MSRA: variants seen among roughly 807,000 people sequenced by gnomAD.
MSRA encodes the protein mitochondrial peptide methionine sulfoxide reductase.
In MSRA, 54 loss-of-function variants were observed where a neutral mutation model predicts 31.3. The ratio of observed to expected loss-of-function variants is 1.73; its 90% confidence interval spans 1.39 to 2.17. The LOEUF is 2.17. MSRA is among the 30% of genes most tolerant of loss of function. The pLI, the probability that MSRA is intolerant of heterozygous loss-of-function variation, is 0.00. For missense variants in MSRA, 507 were observed against 300.9 expected, an observed-to-expected ratio of 1.69 and a Z score of -5.07; for synonymous variants, 169 against 116.5, an observed-to-expected ratio of 1.45 and a Z score of -2.90.
intron 3 of MSRA, among the ~76,000 whole-genome samples, chr8:10,282,372 A>G (rs1381752351): frequency 6.6e-6 from 1 of 152,232 alleles, no homozygotes; most frequent in Non-Finnish European, 1.5e-5. Context: ...TCGCCCAGAA[A>G]TATAATTTAT....
At chr8:10,235,188 G>C (rs1811843830) in intron 2 of MSRA, among the ~76,000 whole-genome samples, 1 of 152,164 alleles carries the variant, frequency 6.6e-6, no homozygotes, top group South Asian at 2.1e-4. Flanking sequence ...AAATAAGTCT[G>C]AACAAATTTC....
intron 5 of MSRA, among the ~76,000 whole-genome samples, chr8:10,383,426 T>A (rs1379061134): frequency 6.6e-6 from 1 of 152,182 alleles, no homozygotes; most frequent in Non-Finnish European, 1.5e-5. Context: ...TGTGGCCTAT[T>A]CTAACTCAAG....
In MSRA at chr8:10,207,860, C is replaced by T. The variant is rs1212974454; in HGVS notation, c.170C>T (p.Thr57Ile). ...AAKHHVNGNRTVEPFPEGTQM... is the reference protein window; with the variant it reads ...AAKHHVNGNRIVEPFPEGTQM... ...AAACATCATGTCAATGGCAACAGAA[C>T]AGTCGAACCTTTCCCAGAGGGAACA... The change falls in exon 2 of 6, where the codon ACA (threonine) becomes ATA (isoleucine). Residue 57 changes from threonine to isoleucine, a missense_variant. Physicochemically the swap from Thr to Ile is moderately conservative, Grantham distance 89. Transcript: ENST00000317173. 7 of 1,609,826 alleles carry T rather than the reference C, an allele frequency of 4.3e-6. No homozygotes were observed. The highest frequency in any genetic ancestry group is 2.5e-6 in the Non-Finnish European group (3 of 1,178,256).
intron 4 of MSRA, among the ~76,000 whole-genome samples, chr8:10,305,572 C>A (rs1439264329): frequency 1.3e-5 from 2 of 152,112 alleles, no homozygotes; most frequent in African/African-American, 4.8e-5. Context: ...CGCCACCACA[C>A]CCAGCTAATT....
chr8:10,250,330 G>T (rs1282638103), intron 3 of MSRA: 3 of 662,710 alleles, frequency 4.5e-6, no homozygotes, highest in Non-Finnish European at 5.5e-6. Flanking sequence ...GTTAATTTCA[G>T]TGCATTAGCC....
intron 2 of MSRA, among the ~76,000 whole-genome samples, chr8:10,227,118 G>C (rs1381573475): frequency 6.6e-6 from 1 of 152,202 alleles, no homozygotes; most frequent in Non-Finnish European, 1.5e-5. Flanking sequence ...ACATTCTGAG[G>C]AGAGCAGATA....
intron 3 of MSRA, among the ~76,000 whole-genome samples, chr8:10,278,650 A>C (rs1406368987): frequency 6.6e-6 from 1 of 152,196 alleles, no homozygotes; most frequent in Non-Finnish European, 1.5e-5. Context: ...TGGCCACACT[A>C]ACTGTGAGAG....
At chr8:10,310,147 A>C (rs1263351204) in intron 4 of MSRA, among the ~76,000 whole-genome samples, 1 of 152,232 alleles carries the variant, frequency 6.6e-6, no homozygotes, top group Non-Finnish European at 1.5e-5. Context: ...ACCATATACA[A>C]GGAATCTATC....
intron 5 of MSRA, among the ~76,000 whole-genome samples, chr8:10,350,079 C>G (rs564134227): frequency 9.2e-5 from 14 of 152,358 alleles, no homozygotes; most frequent in Non-Finnish European, 1.6e-4. Context: ...ACTTTCCATT[C>G]TCCAGCTGGG....
rs776602297 is a variant in MSRA at position 10,319,926 on chromosome 8, C to T, written c.480C>T (p.Ala160=). The T allele has an allele frequency of 1.2e-6, 2 of 1,600,438 alleles. No homozygotes were observed. The highest frequency in any genetic ancestry group is 1.7e-6 in the Non-Finnish European group (2 of 1,173,884). ...GNDHGTQYRS[A]IYPTSAKQME... Reference sequence around the variant, plus strand: ...ACCATGGCACTCAGTACCGCTCGGCCATCTACCCGACCTCTGCCAAGCAAA... The same window carrying T: ...ACCATGGCACTCAGTACCGCTCGGCTATCTACCCGACCTCTGCCAAGCAAA... Residue 160 remains alanine, a synonymous_variant, in exon 5 of 6, where the codon GCC becomes GCT. Coordinates refer to ENST00000317173, the MANE Select transcript of MSRA (RefSeq NM_012331.5).
intron 3 of MSRA, among the ~76,000 whole-genome samples, chr8:10,300,502 T>C (rs920215640): frequency 1.3e-5 from 2 of 152,036 alleles, no homozygotes; most frequent in Non-Finnish European, 2.9e-5. Flanking sequence ...GTGATCCGCC[T>C]GCCTTGGCCT....
chr8:10,172,016 A>G (rs1292768184), intron 1 of MSRA, among the ~76,000 whole-genome samples: 4 of 152,322 alleles, frequency 2.6e-5, no homozygotes, highest in South Asian at 4.1e-4. Context: ...AATATCCCAT[A>G]TATCATAGTA....
intron 3 of MSRA, among the ~76,000 whole-genome samples, chr8:10,287,422 CA>C (rs1799993630): frequency 6.6e-6 from 1 of 152,184 alleles, no homozygotes; most frequent in Non-Finnish European, 1.5e-5. Flanking sequence ...TCATGAGCTA[CA>C]AAAGTGTTAC....
intron 2 of MSRA, among the ~76,000 whole-genome samples, chr8:10,236,264 A>G (rs1284918807): frequency 1.3e-5 from 2 of 152,196 alleles, no homozygotes; most frequent in Non-Finnish European, 1.5e-5. Flanking sequence ...GGCCAATGCA[A>G]TACAATGAGA....
At chr8:10,197,986 G>A (rs1255179544) in intron 1 of MSRA, among the ~76,000 whole-genome samples, 1 of 152,204 alleles carries the variant, frequency 6.6e-6, no homozygotes, top group Non-Finnish European at 1.5e-5. Context: ...GGAAGAGAGG[G>A]TGACTGCTTT....
chr8:10,410,924 T>A (rs1808116740), intron 5 of MSRA, among the ~76,000 whole-genome samples: 1 of 152,210 alleles, frequency 6.6e-6, no homozygotes, highest in South Asian at 2.1e-4. Flanking sequence ...AAATTATGCT[T>A]TGGCAAAGAA....
intron 1 of MSRA, among the ~76,000 whole-genome samples, chr8:10,161,698 G>A (rs1464388632): frequency 1.3e-5 from 2 of 152,186 alleles, no homozygotes; most frequent in South Asian, 2.1e-4. Context: ...TTCTGCATCT[G>A]GGGTCAGAGC....
intron 3 of MSRA, among the ~76,000 whole-genome samples, chr8:10,247,681 C>T (rs1797696893): frequency 6.6e-6 from 1 of 152,092 alleles, no homozygotes; most frequent in African/African-American, 2.4e-5. Flanking sequence ...CATTGGGAAG[C>T]ATGGTTGTCA....
At chr8:10,315,918 T>C (rs1801686123) in intron 4 of MSRA, among the ~76,000 whole-genome samples, 1 of 152,240 alleles carries the variant, frequency 6.6e-6, no homozygotes, top group Non-Finnish European at 1.5e-5. Context: ...ACAAACAAAA[T>C]TCACACTATG....
Sources: gnomAD v4.1 joint callset for allele counts (sites outside exome capture counted in the v4.1 genomes callset) on GRCh38, gnomAD v4.1.1 for gene constraint, MANE v1.5 for transcripts, NCBI Gene and HGNC (gene_info 2026-07-23, HGNC 2026-07-21) for gene names.